The following ZNF609 variants were observed in gnomAD, a reference collection of about 807,000 sequenced individuals.
ZNF609 encodes zinc finger protein 609.
Under a neutral mutation model 109.5 loss-of-function variants are expected in ZNF609, and 11 were observed. The ratio of observed to expected loss-of-function variants is 0.10; its 90% CI spans 0.06 to 0.17. The LOEUF (loss-of-function observed/expected upper bound fraction) is 0.17. ZNF609 is among the 10% of genes least tolerant of loss of function. ZNF609 has a pLI of 1.00. For missense variants in ZNF609, 1,559 were observed against 1,772.4 expected, an observed-to-expected ratio of 0.88 and a Z score of 2.16; for synonymous variants, 646 against 662.0, an observed-to-expected ratio of 0.98 and a Z score of 0.37.
intron 1 of ZNF609, among the ~76,000 whole-genome samples, chr15:64,468,475 C>G (rs905668165): frequency 1.3e-5 from 2 of 151,862 alleles, no homozygotes; most frequent in African/African-American, 4.8e-5. Context: ...TTGTCTTGAA[C>G]TCCTGGGCTC....
intron 1 of ZNF609, among the ~76,000 whole-genome samples, chr15:64,473,035 C>A (rs1174588151): frequency 2.0e-5 from 3 of 151,882 alleles, no homozygotes; most frequent in African/African-American, 4.8e-5. Context: ...ACATATATAT[C>A]TGAAGGGTAA....
At chr15:64,529,100 A>C in intron 2 of ZNF609, 1 of 876,098 alleles carries the variant, frequency 1.1e-6, no homozygotes, top group South Asian at 1.4e-5. Flanking sequence ...AGTTTCCCGG[A>C]GGGGCCATTT....
At chr15:64,468,787 T>C (rs1256342944) in intron 1 of ZNF609, among the ~76,000 whole-genome samples, 1 of 152,162 alleles carries the variant, frequency 6.6e-6, no homozygotes, top group Non-Finnish European at 1.5e-5. Flanking sequence ...ATTCTGATCA[T>C]TACTGTGCCT....
chr15:64,601,123 T>C (rs1336821448), intron 2 of ZNF609, among the ~76,000 whole-genome samples: 3 of 152,208 alleles, frequency 2.0e-5, no homozygotes, highest in African/African-American at 7.2e-5. Context: ...ACCACTCTAG[T>C]TGAACATTGC....
intron 2 of ZNF609, among the ~76,000 whole-genome samples, chr15:64,570,448 G>GTTC (rs749978094): frequency 2.6e-4 from 39 of 152,184 alleles, no homozygotes; most frequent in Non-Finnish European, 5.1e-4. Flanking sequence ...TAGAAGCCAT[G>GTTC]TTCTAATCAA....
intron 2 of ZNF609, among the ~76,000 whole-genome samples, chr15:64,538,161 A>C (rs185114331): frequency 1.2e-4 from 18 of 152,250 alleles, no homozygotes; most frequent in Non-Finnish European, 2.2e-4. Flanking sequence ...TAGTTAGGTT[A>C]ATCTCTTTCC....
intron 2 of ZNF609, among the ~76,000 whole-genome samples, chr15:64,600,462 A>G (rs937129299): frequency 8.2e-5 from 12 of 146,722 alleles, no homozygotes; most frequent in African/African-American, 2.2e-4. Context: ...AAAAAAAAAA[A>G]AAAAGAAAAA....
At chr15:64,562,423 G>T (rs1213747357) in intron 2 of ZNF609, among the ~76,000 whole-genome samples, 1 of 152,160 alleles carries the variant, frequency 6.6e-6, no homozygotes, top group Non-Finnish European at 1.5e-5. Context: ...AGAAGCAGAA[G>T]TTGATTTATC....
intron 1 of ZNF609, among the ~76,000 whole-genome samples, chr15:64,464,426 A>G (rs1361132927): frequency 6.6e-6 from 1 of 152,196 alleles, no homozygotes; most frequent in Non-Finnish European, 1.5e-5. Context: ...CTCTGAAGGT[A>G]GCTAAGCAAT....
chr15:64,667,553 A>G (rs2141009304), intron 3 of ZNF609, among the ~76,000 whole-genome samples: 1 of 152,198 alleles, frequency 6.6e-6, no homozygotes, highest in East Asian at 1.9e-4. Flanking sequence ...TGCTTAAAAA[A>G]AATACAAAAT....
chr15:64,527,670 C>T (rs1319135730), intron 2 of ZNF609, among the ~76,000 whole-genome samples: 1 of 152,174 alleles, frequency 6.6e-6, no homozygotes, highest in Non-Finnish European at 1.5e-5. Flanking sequence ...CTCTCCATTC[C>T]TTTCTCCAGT....
At chr15:64,603,170 A>C (rs1895532249) in intron 2 of ZNF609, among the ~76,000 whole-genome samples, 1 of 151,506 alleles carries the variant, frequency 6.6e-6, no homozygotes, top group Non-Finnish European at 1.5e-5. Flanking sequence ...TGCTGTTGCT[A>C]CTGTTGTGTT....
intron 3 of ZNF609, among the ~76,000 whole-genome samples, chr15:64,661,436 G>A (rs55909141): frequency 0.037 from 5,698 of 152,270 alleles, 121 homozygotes; most frequent in Middle Eastern, 0.058. Context: ...ATGAATGAAA[G>A]CATGTATGTG....
At chr15:64,491,102 G>A (rs1340927084) in intron 1 of ZNF609, among the ~76,000 whole-genome samples, 4 of 152,154 alleles carry the variant, frequency 2.6e-5, no homozygotes, top group Admixed American at 2.6e-4. Flanking sequence ...TGGTACTTGA[G>A]GAGATGACAC....
intron 2 of ZNF609, among the ~76,000 whole-genome samples, chr15:64,576,551 A>G (rs1409574127): frequency 6.6e-6 from 1 of 152,106 alleles, no homozygotes; most frequent in Non-Finnish European, 1.5e-5. Context: ...TCCATGCCCT[A>G]TTCTAGAAAG....
intron 3 of ZNF609, among the ~76,000 whole-genome samples, chr15:64,664,477 T>G (rs1348663908): frequency 6.6e-6 from 1 of 152,210 alleles, no homozygotes; most frequent in Non-Finnish European, 1.5e-5. Flanking sequence ...ATGCTGAGCC[T>G]TTCCTTATTT....
intron 1 of ZNF609, among the ~76,000 whole-genome samples, chr15:64,477,774 A>G (rs553613809): frequency 2.7e-4 from 41 of 152,118 alleles, no homozygotes; most frequent in Non-Finnish European, 5.1e-4. Flanking sequence ...GATTACAGGC[A>G]TGCGCCACCG....
chr15:64,529,958 G>A (rs1595708931), intron 2 of ZNF609, among the ~76,000 whole-genome samples: 2 of 151,692 alleles, frequency 1.3e-5, no homozygotes, highest in Non-Finnish European at 2.9e-5. Flanking sequence ...TTGAACTGCC[G>A]ACCTCAGGTG....
intron 2 of ZNF609, among the ~76,000 whole-genome samples, chr15:64,523,366 C>T (rs559532179): frequency 6.6e-6 from 1 of 152,266 alleles, no homozygotes; most frequent in Admixed American, 6.5e-5. Flanking sequence ...CTCTTTGGAA[C>T]TGTTGTCAGC....
Sources: allele counts gnomAD v4.1 joint callset (sites outside exome capture counted in the v4.1 genomes callset), GRCh38; gene constraint gnomAD v4.1.1; transcripts MANE v1.5; gene names NCBI Gene and HGNC (gene_info 2026-07-23, HGNC 2026-07-21).